Variants in PCDHGA1 observed in about 807,000 individuals in gnomAD.
The protein encoded by PCDHGA1 is protocadherin gamma subfamily A, 1, also known as protocadherin gamma-A1.
In PCDHGA1, 32 loss-of-function variants were observed where a neutral mutation model predicts 58.0. The ratio of observed to expected loss-of-function variants is 0.55; its 90% CI spans 0.42 to 0.74. The LOEUF (loss-of-function observed/expected upper bound fraction) is 0.74. Ranked by LOEUF, PCDHGA1 falls within the 30% of genes least tolerant of loss-of-function variation. The pLI is 0.00. For missense variants in PCDHGA1, 1,205 were observed against 1,182.3 expected (o/e 1.02, Z -0.28); for synonymous variants, 498 against 501.1 (o/e 0.99, Z 0.08).
At chr5:141,430,950 T>C (rs756423770) in intron 1 of PCDHGA1, 5 of 1,609,980 alleles carry the variant, frequency 3.1e-6, no homozygotes, top group East Asian at 2.2e-5. Flanking sequence ...GAGCGCGGAG[T>C]CCGCATCATC....
intron 1 of PCDHGA1, among the ~76,000 whole-genome samples, chr5:141,439,221 T>G (rs145700274): frequency 1.2e-3 from 182 of 151,852 alleles, no homozygotes; most frequent in African/African-American, 4.3e-3. Flanking sequence ...ATGTGAAAAT[T>G]CTTAGAAGCT....
intron 1 of PCDHGA1, chr5:141,340,298 G>C: frequency 6.2e-7 from 1 of 1,614,058 alleles, no homozygotes; most frequent in Non-Finnish European, 8.5e-7. Flanking sequence ...GCTCCAGGTG[G>C]CAGACATCAA....
At chr5:141,455,282 A>C (rs1307886349) in intron 1 of PCDHGA1, among the ~76,000 whole-genome samples, 1 of 152,056 alleles carries the variant, frequency 6.6e-6, no homozygotes, top group Non-Finnish European at 1.5e-5. Flanking sequence ...TATTAACATC[A>C]CTTTACATAG....
intron 1 of PCDHGA1, chr5:141,408,692 A>C: frequency 6.2e-7 from 1 of 1,613,906 alleles, no homozygotes; most frequent in Non-Finnish European, 8.5e-7. Context: ...TGATATAAAC[A>C]TAAACTCAAT....
At chr5:141,419,623 G>A in intron 1 of PCDHGA1, 1 of 1,612,328 alleles carries the variant, frequency 6.2e-7, no homozygotes, top group East Asian at 2.2e-5. Context: ...GCTACCTGGT[G>A]ACCAAGGTGG....
intron 1 of PCDHGA1, chr5:141,393,555 C>T (rs1561643318): frequency 1.2e-6 from 2 of 1,613,808 alleles, no homozygotes; most frequent in Admixed American, 3.3e-5. Context: ...CCCGATTTAC[C>T]GAGTGAAAGT....
chr5:141,446,532 A>G (rs1443843436), intron 1 of PCDHGA1, among the ~76,000 whole-genome samples: 1 of 151,788 alleles, frequency 6.6e-6, no homozygotes, highest in Non-Finnish European at 1.5e-5. Flanking sequence ...GCTGGAGTGC[A>G]GTGGCCCTAT....
intron 2 of PCDHGA1, among the ~76,000 whole-genome samples, chr5:141,495,702 T>G (rs1462896403): frequency 6.6e-6 from 1 of 152,212 alleles, no homozygotes; most frequent in African/African-American, 2.4e-5. Context: ...TCAATAAATG[T>G]GGAGTGAGTA....
chr5:141,428,297 T>G (rs2097131311), intron 1 of PCDHGA1: 5 of 712,160 alleles, frequency 7.0e-6, no homozygotes, highest in Non-Finnish European at 1.2e-5. Flanking sequence ...AAGCTGCAGA[T>G]TTACCTGGTC....
At chr5:141,461,063 C>T (rs1472437531) in intron 1 of PCDHGA1, among the ~76,000 whole-genome samples, 1 of 151,796 alleles carries the variant, frequency 6.6e-6, no homozygotes, top group Non-Finnish European at 1.5e-5. Flanking sequence ...GTTGGTTTCA[C>T]ATTTTTGCAA....
rs1248104988 is a variant in PCDHGA1, at chr5:141,409,585, G to A, written c.2421+76480G>A. 3.1e-6 allele frequency: 5 copies of A among 1,613,912 alleles called. No individual in the cohort carries two copies. The Admixed American group carries it at 5.0e-5, about 16-fold the overall frequency. ...ACCAGACGTCCTACGTGGTCCACGT[G>A]GCCGAGAACAACCCGCCAGGAGCCT... On this transcript the variant is annotated intron_variant, in intron 1 of 3. Coordinates refer to ENST00000517417, the MANE Select transcript of PCDHGA1 (RefSeq NM_018912.3).
intron 2 of PCDHGA1, among the ~76,000 whole-genome samples, chr5:141,504,451 G>A (rs2099838355): frequency 1.3e-5 from 2 of 152,070 alleles, no homozygotes; most frequent in South Asian, 4.2e-4. Context: ...CTAGTGCCAT[G>A]TGGGGCAGCC....
chr5:141,355,152 C>A, intron 1 of PCDHGA1: 2 of 1,548,790 alleles, frequency 1.3e-6, no homozygotes, highest in Non-Finnish European at 1.7e-6. Flanking sequence ...CTCCTCAGGC[C>A]TCGACAGAGG....
At chr5:141,343,890 G>A (rs1757337534) in intron 1 of PCDHGA1, 2 of 693,076 alleles carry the variant, frequency 2.9e-6, no homozygotes, top group South Asian at 2.7e-5. Context: ...ATCCGGGGCG[G>A]CTGCCAACCT....
In PCDHGA1 at chr5:141,512,859, CAT is replaced by C. The variant is rs1474518602; in HGVS notation, c.*1688_*1689del. 6.6e-6 allele frequency: 1 copy of C among 152,296 alleles called. No homozygotes were observed. The highest frequency in any genetic ancestry group is 1.9e-4 in the East Asian group (1 of 5,200). The allele number at this position is 152,296 out of a possible 1,614,324, so 9.4% of individuals were successfully genotyped here. A position where few individuals can be genotyped will look rare whatever the true frequency, so the allele number is the denominator to read the frequency against. On this transcript the variant is annotated 3_prime_UTR_variant, in exon 4 of 4. Transcript: ENST00000517417. ...CTTCTCCTATAAGCGCTTCTCTTCG[CAT>C]AGTCACGTAGCTCCCACCCCACCCT... is the stretch of plus-strand genomic sequence containing the variant.
intron 1 of PCDHGA1, chr5:141,393,420 G>A (rs2092755571): frequency 1.2e-6 from 2 of 1,614,050 alleles, no homozygotes; most frequent in Non-Finnish European, 1.7e-6. Context: ...CCTGGACAGG[G>A]AGGAAGAGGC....
chr5:141,490,050 C>T lies in PCDHGA1; in HGVS notation c.2422-4757C>T, dbSNP rs1400735375. On this transcript the variant is annotated intron_variant, in intron 1 of 3. Transcript: ENST00000517417. This position sits in a 1 kb window ranked among gnomAD's most constrained non-coding sequence, Gnocchi z 5.4. ...TCCGCCTCAATGCCACTGATCCAGA[C>T]GAGGGCACCAACGGCCAACTAGACT... The T allele has an allele frequency of 1.2e-6, 2 of 1,614,224 alleles. No individual in the cohort carries two copies. The highest frequency in any genetic ancestry group is 1.7e-6 in the Non-Finnish European group (2 of 1,180,022).
chr5:141,371,686 C>T (rs377384867), intron 1 of PCDHGA1: 11 of 1,614,026 alleles, frequency 6.8e-6, no homozygotes, highest in Non-Finnish European at 9.3e-6. Flanking sequence ...GGCAATCCAC[C>T]GCTCTCCTCC....
At chr5:141,362,275 C>A (rs757133043) in intron 1 of PCDHGA1, 3 of 1,613,924 alleles carry the variant, frequency 1.9e-6, no homozygotes, top group African/African-American at 1.3e-5. Flanking sequence ...AATCTCCCTG[C>A]GCCTGCGACT....
Sources: allele counts gnomAD v4.1 joint callset (sites outside exome capture counted in the v4.1 genomes callset), GRCh38; gene constraint gnomAD v4.1.1; non-coding constraint Gnocchi (gnomAD v3.1); transcripts MANE v1.5; gene names NCBI Gene and HGNC (gene_info 2026-07-23, HGNC 2026-07-21).